AP2A1: variants seen among roughly 807,000 people sequenced by gnomAD.
The protein encoded by AP2A1 is AP-2 complex subunit alpha-1.
A neutral mutation model predicts 107.3 loss-of-function variants in AP2A1; 21 were observed. That is an observed-to-expected ratio of 0.20 (90% CI 0.14 to 0.28). The LOEUF is 0.28. AP2A1 is among the 10% of genes least tolerant of loss of function. The pLI is 1.00. For synonymous variants in AP2A1, 602 were observed against 564.8 expected (o/e 1.07, Z -0.93); for missense variants, 873 against 1,307.7 (o/e 0.67, Z 5.13).
chr19:49,802,893 G>C (rs1433713829), intron 15 of AP2A1, 56 bp from the exon 16 acceptor site: 9 of 1,570,692 alleles, frequency 5.7e-6, no homozygotes, highest in African/African-American at 2.7e-5. Flanking sequence ...ATCGCTCTGG[G>C]CCTTTGCCCC....
At chr19:49,802,232 C>G (rs774428696) in intron 15 of AP2A1, 91 bp downstream of exon 15, 2 of 1,062,444 alleles carry the variant, frequency 1.9e-6, no homozygotes, top group Non-Finnish European at 2.8e-6. Flanking sequence ...GAGCCCCTCC[C>G]CCGCCCCCGA....
intron 1 of AP2A1, among the ~76,000 whole-genome samples, chr19:49,780,868 C>G (rs192028320): frequency 4.6e-5 from 7 of 152,120 alleles, no homozygotes; most frequent in Non-Finnish European, 1.0e-4. Flanking sequence ...AGTCTAAGAC[C>G]CTGTCTCAAA....
In AP2A1 at chr19:49,806,169, G is replaced by T; in HGVS notation, c.2706G>T (p.Glu902Asp). The T allele has an allele frequency of 1.3e-6, 2 of 1,584,580 alleles. No homozygotes were observed. The highest frequency in any genetic ancestry group is 2.7e-5 in the African/African-American group (2 of 74,390). ...TGGACAATGTGGACCCCAACCCTGAGAACTTCGTGGGGGCGGGGATCATCC... is the reference window on the plus strand; with the variant it reads ...TGGACAATGTGGACCCCAACCCTGATAACTTCGTGGGGGCGGGGATCATCC... ...ALLDNVDPNP[E>D]NFVGAGIIQT... is the part of the protein sequence containing the mutation. The change falls in exon 22 of 23, where the codon GAG becomes GAT. Residue 902 changes from glutamate (E) to aspartate (D), a missense_variant. Around this residue, in one of 4 missense-constraint regions of AP2A1, gnomAD observed 416 missense variants for 473.4 expected, o/e 0.88. Coordinates refer to ENST00000354293, the MANE Select transcript of AP2A1 (RefSeq NM_130787.3).
intron 3 of AP2A1, 35 bp downstream of exon 3, chr19:49,782,124 T>C: frequency 1.1e-6 from 1 of 875,382 alleles, no homozygotes; most frequent in Non-Finnish European, 1.6e-6. Context: ...GGGCCTGGAC[T>C]CCTGGGTCTG....
At chr19:49,781,923 C>G in intron 2 of AP2A1, 24 bp from the exon 3 acceptor site, 1 of 1,610,134 alleles carries the variant, frequency 6.2e-7, no homozygotes, top group Non-Finnish European at 8.5e-7. Context: ...TTCTGGCTCC[C>G]CTTTCCTCCT....
At chr19:49,776,952 A>G (rs2084622878) in intron 1 of AP2A1, among the ~76,000 whole-genome samples, 1 of 152,126 alleles carries the variant, frequency 6.6e-6, no homozygotes, top group African/African-American at 2.4e-5. Context: ...GGCCAGGTGC[A>G]GTGGCTCATG....
At position 49,798,958 on chromosome 19, in the gene AP2A1, CGCCTGGGCCTATCAGGGCCTGAT is replaced by C; in HGVS notation, c.965+14_965+36del. On this transcript the variant is annotated splice_region_variant and intron_variant, in intron 8 of 22. Coordinates refer to ENST00000354293, the MANE Select transcript of AP2A1 (RefSeq NM_130787.3). ...CTCATCATCCACTATGACAGGTGCC[CGCCTGGGCCTATCAGGGCCTGAT>C]GCCTGGGGCCAGGAAAGAGGGGCAT... 6 of 1,551,916 alleles carry C rather than the reference CGCCTGGGCCTATCAGGGCCTGAT, an allele frequency of 3.9e-6. No homozygotes were observed. The highest frequency in any genetic ancestry group is 5.2e-6 in the Non-Finnish European group (6 of 1,147,094).
At chr19:49,803,532 G>T (rs1363721064) in intron 18 of AP2A1, 156 bp downstream of exon 18, 1 of 669,842 alleles carries the variant, frequency 1.5e-6, no homozygotes, top group Admixed American at 2.3e-5. Flanking sequence ...TAAGATGGGG[G>T]TGGGATTCCT....
In AP2A1 at chr19:49,798,799, C is replaced by G; in HGVS notation, c.815-3C>G. 1 of 1,603,922 alleles carries G rather than the reference C, an allele frequency of 6.2e-7. No individual in the cohort carries two copies. Among genetic ancestry groups the G allele is most frequent in the East Asian group, 2.2e-5 (1 of 44,450 alleles). On this transcript the variant is annotated splice_region_variant and splice_polypyrimidine_tract_variant and intron_variant, in intron 7 of 22. Transcript: ENST00000354293. ...GCCGGGGGCGTCCCCTTCGTTTCCC[C>G]AGAGGATGCGGCTGTGAAGGGGCGG...
At position 49,795,681 on chromosome 19, in the gene AP2A1, C is replaced by A; in HGVS notation, c.757C>A (p.Pro253Thr). The part of the protein sequence containing the change: ...DLQDYTYYFV[P>T]APWLSVKLLR... ...CCAGGACTACACCTACTACTTCGTC[C>A]CAGCACCCTGGCTCTCGGTGAAGCT... Residue 253 changes from proline to threonine, a missense_variant, in exon 7 of 23, where the codon CCA becomes ACA. Transcript: ENST00000354293. 1 of 1,574,778 alleles carries A rather than the reference C, an allele frequency of 6.4e-7. No individual in the cohort carries two copies. Among genetic ancestry groups the A allele is most frequent in the Non-Finnish European group, 8.6e-7 (1 of 1,160,962 alleles).
At position 49,779,240 on chromosome 19, in the gene AP2A1, G is replaced by A. The variant is rs188096106; in HGVS notation, c.68-2517G>A. Among the ~76,000 whole-genome samples, 269 of 151,334 alleles carry A rather than the reference G, an allele frequency of 1.8e-3. 2 individuals carry two copies. Among genetic ancestry groups the A allele is most frequent in the African/African-American group, 5.6e-3 (231 of 41,230 alleles). On this transcript the variant is annotated intron_variant, in intron 1 of 22. Transcript: ENST00000354293. ...TAGTCCCAGCTACTTGGGAGGCTGA[G>A]GCAGGACAATTGCTTGAACCTGGGA...
intron 1 of AP2A1, among the ~76,000 whole-genome samples, chr19:49,778,743 T>C (rs1214804739): frequency 6.6e-6 from 1 of 152,094 alleles, no homozygotes; most frequent in Non-Finnish European, 1.5e-5. Context: ...CTGACTGAAA[T>C]GTTGATATGC....
chr19:49,788,886 G>A lies in AP2A1; in HGVS notation c.474-3049G>A, dbSNP rs1019490540. 7.9e-5 allele frequency among the ~76,000 whole-genome samples: 12 copies of A among 152,298 alleles called. No homozygotes were observed. The highest frequency in any genetic ancestry group is 2.6e-4 in the African/African-American group (11 of 41,566). On this transcript the variant is annotated intron_variant, in intron 4 of 22. Coordinates refer to ENST00000354293, the MANE Select transcript of AP2A1 (RefSeq NM_130787.3). The surrounding 1 kb of genome is among the most constrained non-coding windows in gnomAD (Gnocchi z 4.5). Reference sequence around the variant, plus strand: ...AACGTTTCTGTAGGGTGAGCGTCTGGGGGCAGCACTGCTGGTCTTGGTCTG... The same window carrying A: ...AACGTTTCTGTAGGGTGAGCGTCTGAGGGCAGCACTGCTGGTCTTGGTCTG...
Position 49,800,048 on chromosome 19 carries a change from C to T in AP2A1, c.1353C>T (p.Arg451=). 6.2e-7 allele frequency: 1 copy of T among 1,614,070 alleles called. No homozygotes were observed. The highest frequency in any genetic ancestry group is 8.5e-7 in the Non-Finnish European group (1 of 1,179,884). Residue 451 remains arginine (R), a synonymous_variant, in exon 11 of 23, where the codon CGC becomes CGT. Coordinates refer to ENST00000354293, the MANE Select transcript of AP2A1 (RefSeq NM_130787.3). ...WYVDTILNLI[R]IAGDYVSEEV... ...TGGACACCATCCTCAACCTCATCCGCATTGCGGGCGACTACGTGAGTGAGG... is the reference window on the plus strand; with the variant it reads ...TGGACACCATCCTCAACCTCATCCGTATTGCGGGCGACTACGTGAGTGAGG...
chr19:49,805,450 C>T lies in AP2A1; in HGVS notation c.2345-3C>T, dbSNP rs778618741. 112 of 1,533,340 alleles carry T rather than the reference C, an allele frequency of 7.3e-5. No individual in the cohort carries two copies. The highest frequency in any genetic ancestry group is 9.6e-5 in the Non-Finnish European group (109 of 1,135,082). 95.0% of individuals were successfully genotyped at this position (1,533,340 alleles called of 1,614,324 possible). On this transcript the variant is annotated splice_region_variant and splice_polypyrimidine_tract_variant and intron_variant, in intron 18 of 22. Coordinates refer to ENST00000354293, the MANE Select transcript of AP2A1 (RefSeq NM_130787.3). The stretch of plus-strand genomic sequence containing the variant: ...TCTGGCTTCCTTGACTCCTGGCGGG[C>T]ACAGCTGGCTGTGCAGACCAAGCGC...
At chr19:49,803,601 C>A in intron 18 of AP2A1, 1 of 568,846 alleles carries the variant, frequency 1.8e-6, no homozygotes, top group Admixed American at 3.0e-5. Flanking sequence ...TTCCAGAACT[C>A]CACCTGCTCC....
intron 21 of AP2A1, 84 bp downstream of exon 21, chr19:49,806,025 A>G: frequency 3.7e-6 from 6 of 1,610,692 alleles, no homozygotes; most frequent in African/African-American, 2.7e-5. Flanking sequence ...AGTGGGGCCA[A>G]TTCCCATCCC....
intron 7 of AP2A1, chr19:49,796,769 A>G (rs28413128): frequency 0.43 from 66,062 of 152,058 alleles, 14,572 homozygotes; most frequent in Middle Eastern, 0.51. Context: ...ACATGTGTAT[A>G]TATCAGTGTG....
At chr19:49,769,383 G>A (rs2084535120) in intron 1 of AP2A1, among the ~76,000 whole-genome samples, 7 of 152,168 alleles carry the variant, frequency 4.6e-5, no homozygotes, top group Admixed American at 2.6e-4. Flanking sequence ...AGAAAAATAA[G>A]GAGGAAATGG....
Sources: allele counts gnomAD v4.1 joint callset (sites outside exome capture counted in the v4.1 genomes callset), GRCh38; gene constraint gnomAD v4.1.1; regional missense constraint gnomAD v4.1.1; non-coding constraint Gnocchi (gnomAD v3.1); transcripts MANE v1.5; gene names NCBI Gene and HGNC (gene_info 2026-07-23, HGNC 2026-07-21).